The following TENT2 variants were observed in gnomAD, a reference collection of about 807,000 sequenced individuals.
TENT2 encodes poly(A) RNA polymerase GLD2.
A neutral mutation model predicts 72.2 loss-of-function variants in TENT2; 44 were observed. The ratio of observed to expected loss-of-function variants is 0.61; its 90% CI spans 0.48 to 0.78. The LOEUF is 0.78. Among genes scored for constraint, TENT2 ranks in the 30% least tolerant of loss-of-function variants. The probability of loss-of-function intolerance (pLI) is 0.00; values close to 1 mark genes in which losing one functional copy is unlikely to be tolerated. For missense variants in TENT2, 541 were observed against 569.6 expected, an observed-to-expected ratio of 0.95 and a Z score of 0.51; for synonymous variants, 212 against 192.5, an observed-to-expected ratio of 1.10 and a Z score of -0.84.
chr5:79,680,151 A>G (rs1413269969), intron 13 of TENT2, among the ~76,000 whole-genome samples: 1 of 152,206 alleles, frequency 6.6e-6, no homozygotes, highest in Admixed American at 6.5e-5. Context: ...TTGAGTGAGT[A>G]GAAAACTGAC....
Position 79,624,524 on chromosome 5 carries a change from TC to T in TENT2, c.465+1038del, listed in dbSNP as rs529966714. Among the ~76,000 whole-genome samples the T allele has an allele frequency of 2.6e-3, 389 of 152,256 alleles. 3 individuals are homozygous for T. Among genetic ancestry groups the T allele is most frequent in the African/African-American group, 8.9e-3 (368 of 41,560 alleles). The stretch of plus-strand genomic sequence containing the variant: ...AAGTTGTGCAACTGTACTATCTGAT[TC>T]CCAAACATTTTCATCACCCCCAAAA... On this transcript the variant is annotated intron_variant, in intron 4 of 14. Transcript: ENST00000453514.
chr5:79,645,161 G>A lies in TENT2; in HGVS notation c.790G>A (p.Val264Met). 1 of 1,608,788 alleles carries A rather than the reference G, an allele frequency of 6.2e-7. No individual in the cohort carries two copies. The highest frequency in any genetic ancestry group is 8.5e-7 in the Non-Finnish European group (1 of 1,177,736). Reference sequence around the variant, plus strand: ...GAGACCTCAGCTGATTCGAGCAAAAGTGCCAATTGTGAAGTTCAGGGATAA... The same window carrying A: ...GAGACCTCAGCTGATTCGAGCAAAAATGCCAATTGTGAAGTTCAGGGATAA... ...IERPQLIRAK[V>M]PIVKFRDKVS... The change falls in exon 8 of 15, where the codon GTG becomes ATG. Residue 264 changes from valine (V) to methionine (M), a missense_variant. By Grantham distance (21) the Val-to-Met change is conservative. Transcript: ENST00000453514.
chr5:79,661,552 T>C (rs1802895858), intron 11 of TENT2, among the ~76,000 whole-genome samples: 1 of 152,212 alleles, frequency 6.6e-6, no homozygotes, highest in Non-Finnish European at 1.5e-5. Flanking sequence ...GGTTTCCCAG[T>C]GCATATAAAA....
intron 4 of TENT2, among the ~76,000 whole-genome samples, chr5:79,625,368 T>C (rs866241359): frequency 5.9e-5 from 9 of 152,312 alleles, no homozygotes; most frequent in Middle Eastern, 6.8e-3. Context: ...TTTACTTTCT[T>C]TTTGGTATCC....
intron 3 of TENT2, among the ~76,000 whole-genome samples, chr5:79,621,757 CAA>C (rs397998298): frequency 1.1e-4 from 9 of 83,276 alleles, no homozygotes; most frequent in Admixed American, 3.9e-4. Flanking sequence ...GACTCTATCT[CAA>C]AAAAAAAAAA....
intron 4 of TENT2, among the ~76,000 whole-genome samples, chr5:79,625,477 A>G (rs1561466094): frequency 6.6e-6 from 1 of 152,138 alleles, no homozygotes; most frequent in Non-Finnish European, 1.5e-5. Context: ...ACCATTGTTA[A>G]AGGTCACAGA....
Position 79,642,970 on chromosome 5 carries a change from C to G in TENT2, c.751+60C>G, listed in dbSNP as rs1785618145. ...TGACGTAACTTTACTTAAAATGCCT[C>G]TTACATTATCTTCTGGTAAGAACTG... On this transcript the variant is annotated intron_variant, in intron 7 of 14. Coordinates refer to ENST00000453514, the MANE Select transcript of TENT2 (RefSeq NM_001114394.3). 1.3e-5 allele frequency: 21 copies of G among 1,579,366 alleles called. No individual in the cohort carries two copies. The East Asian group carries it at 4.3e-4, about 32-fold the overall frequency.
At chr5:79,615,791 C>T (rs1316016729) in intron 1 of TENT2, among the ~76,000 whole-genome samples, 2 of 152,000 alleles carry the variant, frequency 1.3e-5, no homozygotes, top group Non-Finnish European at 2.9e-5. Context: ...CGGCTCACTC[C>T]AACCTCCGTC....
chr5:79,615,360 A>AT (rs1758831911), intron 1 of TENT2, among the ~76,000 whole-genome samples: 2 of 152,188 alleles, frequency 1.3e-5, no homozygotes, highest in Non-Finnish European at 2.9e-5. Flanking sequence ...AAAACAGCAT[A>AT]TTTTTTATAG....
intron 14 of TENT2, 57 bp downstream of exon 14, chr5:79,682,118 AGG>A: frequency 8.0e-7 from 1 of 1,255,686 alleles, no homozygotes; most frequent in Non-Finnish European, 1.1e-6. Flanking sequence ...TGCTTTAAAC[AGG>A]AAAAAATACG....
chr5:79,668,909 T>A lies in TENT2; in HGVS notation c.1089T>A (p.Ala363=). The A allele has an allele frequency of 1.2e-6, 2 of 1,612,988 alleles. No individual in the cohort carries two copies. Among genetic ancestry groups the A allele is most frequent in the Non-Finnish European group, 1.7e-6 (2 of 1,179,318 alleles). ...TTTGACAGGAGTCTTTTAGTCCTGC[T>A]ATACAGCTGCACCTTGTACATCAAG... is the stretch of plus-strand genomic sequence containing the variant. ...QKIYPESFSP[A]IQLHLVHQAP... Residue 363 remains alanine (A), a synonymous_variant, in exon 12 of 15, where the codon GCT becomes GCA. Coordinates refer to ENST00000453514, the MANE Select transcript of TENT2 (RefSeq NM_001114394.3).
At chr5:79,656,304 G>A (rs969820431) in intron 10 of TENT2, among the ~76,000 whole-genome samples, 15 of 152,046 alleles carry the variant, frequency 9.9e-5, no homozygotes, top group African/African-American at 3.4e-4. Flanking sequence ...GTGATAACAT[G>A]AGGATATAAT....
intron 4 of TENT2, among the ~76,000 whole-genome samples, chr5:79,631,755 G>C (rs1476164212): frequency 6.6e-6 from 1 of 152,036 alleles, no homozygotes; most frequent in East Asian, 1.9e-4. Flanking sequence ...AGAGGAAAGA[G>C]GTTGACCACT....
intron 7 of TENT2, 83 bp downstream of exon 7, chr5:79,642,993 C>G: frequency 1.3e-6 from 2 of 1,522,012 alleles, no homozygotes; most frequent in Middle Eastern, 1.8e-4. Flanking sequence ...CTGGTAAGAA[C>G]TGTTTATTCT....
intron 11 of TENT2, 159 bp from the exon 12 acceptor site, chr5:79,668,733 T>TAAC: frequency 1.5e-6 from 1 of 687,624 alleles, no homozygotes; most frequent in Admixed American, 2.8e-5. Flanking sequence ...CAAATACTGG[T>TAAC]GAAGTCTTTA....
At position 79,641,089 on chromosome 5, in the gene TENT2, T is replaced by C. The variant is rs78953757; in HGVS notation, c.581-16T>C. 814 of 1,557,138 alleles carry C rather than the reference T, an allele frequency of 5.2e-4. 12 individuals carry two copies. The East Asian group carries it at 0.015, about 29-fold the overall frequency. On this transcript the variant is annotated splice_polypyrimidine_tract_variant and intron_variant, in intron 5 of 14. Transcript: ENST00000453514. ...TAGATTTTAAATACTCTTATTACTT[T>C]CTTCTGTTTCTTTAGAAAGCAGACT...
chr5:79,653,975 A>G (rs1196979203), intron 10 of TENT2, among the ~76,000 whole-genome samples: 1 of 152,254 alleles, frequency 6.6e-6, no homozygotes, highest in Non-Finnish European at 1.5e-5. Context: ...TGCCATAAGC[A>G]GAGAAAGGAA....
chr5:79,652,132 G>A (rs535615665), intron 10 of TENT2, among the ~76,000 whole-genome samples: 2 of 151,986 alleles, frequency 1.3e-5, no homozygotes, highest in East Asian at 1.9e-4. Flanking sequence ...TTATCCTAAC[G>A]TAATAATGAG....
At chr5:79,667,446 GCATCTATTCT>G (rs770453110) in intron 11 of TENT2, among the ~76,000 whole-genome samples, 9 of 152,066 alleles carry the variant, frequency 5.9e-5, no homozygotes, top group Non-Finnish European at 1.2e-4. Flanking sequence ...TAGAGGCACT[GCATCTATTCT>G]TCCTTCTGCC....
Sources: allele counts gnomAD v4.1 joint callset (sites outside exome capture counted in the v4.1 genomes callset), GRCh38; gene constraint gnomAD v4.1.1; transcripts MANE v1.5; gene names NCBI Gene and HGNC (gene_info 2026-07-23, HGNC 2026-07-21).